NECTIN1: variants seen among roughly 807,000 people sequenced by gnomAD.
NECTIN1 encodes nectin cell adhesion molecule 1.
In NECTIN1, 23 loss-of-function variants were observed where a neutral mutation model predicts 48.0. That is an observed-to-expected ratio of 0.48 (90% CI 0.34 to 0.68). NECTIN1 has a LOEUF of 0.68. Ranked by LOEUF, NECTIN1 falls within the 30% of genes least tolerant of loss-of-function variation. The pLI, the probability that NECTIN1 is intolerant of heterozygous loss-of-function variation, is 0.01. For missense variants in NECTIN1, 591 were observed against 709.9 expected (o/e 0.83, Z 1.90); for synonymous variants, 270 against 288.9 (o/e 0.93, Z 0.66).
chr11:119,704,820 C>A (rs549267836), intron 1 of NECTIN1, among the ~76,000 whole-genome samples: 4 of 152,200 alleles, frequency 2.6e-5, no homozygotes, highest in African/African-American at 9.6e-5. Context: ...GCCATGACTG[C>A]GCACGCCAGG....
chr11:119,646,343 T>G (rs1864395915), intron 5 of NECTIN1, among the ~76,000 whole-genome samples: 1 of 152,182 alleles, frequency 6.6e-6, no homozygotes, highest in Admixed American at 6.5e-5. Flanking sequence ...GCGTGGCACA[T>G]AGTCAATATG....
intron 1 of NECTIN1, among the ~76,000 whole-genome samples, chr11:119,695,238 A>C (rs1865323291): frequency 6.6e-6 from 1 of 151,654 alleles, no homozygotes; most frequent in Admixed American, 6.6e-5. Context: ...GTAAATCTAA[A>C]CTACTTATCA....
At chr11:119,670,040 C>T (rs1864841645) in intron 5 of NECTIN1, among the ~76,000 whole-genome samples, 1 of 151,424 alleles carries the variant, frequency 6.6e-6, no homozygotes, top group Admixed American at 6.6e-5. Flanking sequence ...GCTCATGCAA[C>T]CTCCGCCTCC....
intron 5 of NECTIN1, among the ~76,000 whole-genome samples, chr11:119,646,283 C>G (rs574262465): frequency 6.5e-4 from 99 of 152,350 alleles, no homozygotes; most frequent in African/African-American, 2.3e-3. Context: ...CCTCCCTTGC[C>G]CGACTTCCAG....
intron 1 of NECTIN1, chr11:119,710,161 T>C (rs1017166092): frequency 2.0e-5 from 3 of 152,210 alleles, no homozygotes; most frequent in Admixed American, 2.0e-4. Flanking sequence ...ACAGAAGCGC[T>C]GAAACAGAGC....
chr11:119,696,551 T>A (rs1008198523), intron 1 of NECTIN1, among the ~76,000 whole-genome samples: 1 of 151,954 alleles, frequency 6.6e-6, no homozygotes, highest in African/African-American at 2.4e-5. Flanking sequence ...CAGAATCAGG[T>A]GCCCTGTCCT....
chr11:119,654,538 A>ATG lies in NECTIN1; in HGVS notation c.1004-14528_1004-14527dup, dbSNP rs542586745. ...CCCTCAGAATGGGAGGGAGATGGCA[A>ATG]TGTGTGTGTGCGTGTGTGTGTGTTT... On this transcript the variant is annotated intron_variant, in intron 5 of 7. Transcript: ENST00000341398. Among the ~76,000 whole-genome samples the ATG allele has an allele frequency of 2.6e-3, 192 of 74,120 alleles. 1 individual carries two copies. The highest frequency in any genetic ancestry group is 0.013 in the Middle Eastern group (2 of 150). 48.6% of individuals were successfully genotyped at this position (74,120 alleles called of 152,430 possible). A position where few individuals can be genotyped will look rare whatever the true frequency, so the allele number is the denominator to read the frequency against.
In NECTIN1 at chr11:119,705,600, G is replaced by A. The variant is rs576463286; in HGVS notation, c.79+22875C>T. ...GTAACTGTGGCCGGTGTAGCTAGAC[G>A]GAGGAGACTGATGCAGGGGCCAGGC... On this transcript the variant is annotated intron_variant, in intron 1 of 5. Coordinates refer to ENST00000264025, the MANE Select transcript of NECTIN1 (RefSeq NM_002855.5). Among the ~76,000 whole-genome samples, 70 of 152,346 alleles carry A rather than the reference G, an allele frequency of 4.6e-4. 1 individual carries two copies. Among genetic ancestry groups the A allele is most frequent in the African/African-American group, 1.6e-3 (67 of 41,580 alleles).
chr11:119,668,356 A>G (rs971198459), intron 5 of NECTIN1, among the ~76,000 whole-genome samples: 4 of 151,666 alleles, frequency 2.6e-5, no homozygotes, highest in Non-Finnish European at 4.4e-5. Flanking sequence ...GTTAATCTTC[A>G]CTCTGTAGAC....
At chr11:119,703,045 G>T (rs1865484102) in intron 1 of NECTIN1, among the ~76,000 whole-genome samples, 1 of 152,238 alleles carries the variant, frequency 6.6e-6, no homozygotes, top group Non-Finnish European at 1.5e-5. Flanking sequence ...CCACCAGCCT[G>T]TGAGCTCCAT....
Position 119,663,599 on chromosome 11 carries a change from GCTTCCTTCCC to G in NECTIN1, c.*1138_*1147del. The G allele has an allele frequency of 1.0e-6, 1 of 985,592 alleles. No individual in the cohort carries two copies. Among genetic ancestry groups the G allele is most frequent in the Non-Finnish European group, 1.2e-6 (1 of 829,960 alleles). 61.1% of individuals were successfully genotyped at this position (985,592 alleles called of 1,614,324 possible). A position where few individuals can be genotyped will look rare whatever the true frequency, so the allele number is the denominator to read the frequency against. The stretch of plus-strand genomic sequence containing the variant: ...TGTTTGCAGAGCTTCTGCCATGTGG[GCTTCCTTCCC>G]CACTACCCTCCGTGTGGATGCTTCT... On this transcript the variant is annotated 3_prime_UTR_variant, in exon 6 of 6. Coordinates refer to ENST00000264025, the MANE Select transcript of NECTIN1 (RefSeq NM_002855.5).
chr11:119,707,504 C>T (rs1405885110), intron 1 of NECTIN1, among the ~76,000 whole-genome samples: 1 of 152,012 alleles, frequency 6.6e-6, no homozygotes, highest in Admixed American at 6.6e-5. Context: ...ACAAGGCTGT[C>T]GAACAGGGTG....
chr11:119,696,808 C>T (rs1308513335), intron 1 of NECTIN1, among the ~76,000 whole-genome samples: 1 of 152,204 alleles, frequency 6.6e-6, no homozygotes, highest in Non-Finnish European at 1.5e-5. Context: ...GAAAGCAGGA[C>T]TGCAGGCGGC....
Position 119,675,382 on chromosome 11 carries a change from C to G in NECTIN1, c.852-72G>C, listed in dbSNP as rs1029380792. 4.4e-6 allele frequency: 7 copies of G among 1,579,406 alleles called. No homozygotes were observed. In the Admixed American group the frequency reaches 5.0e-5, roughly 11 times the overall value. On this transcript the variant is annotated intron_variant, in intron 4 of 5. Transcript: ENST00000264025. ...CAAGAAGCTGTTCCTGGGTCACCCA[C>G]TTGGCTCCAGGCCCCCTAGCCTTTT...
At position 119,678,283 on chromosome 11, in the gene NECTIN1, C is replaced by T. The variant is rs1328857978; in HGVS notation, c.430+132G>A. 1 of 871,780 alleles carries T rather than the reference C, an allele frequency of 1.1e-6. No individual in the cohort carries two copies. The highest frequency in any genetic ancestry group is 1.6e-5 in the African/African-American group (1 of 60,994). 54.0% of individuals were successfully genotyped at this position (871,780 alleles called of 1,614,324 possible). On this transcript the variant is annotated intron_variant, in intron 2 of 5. Transcript: ENST00000264025. The surrounding 1 kb of genome is among the most constrained non-coding windows in gnomAD (Gnocchi z 4.4). The stretch of plus-strand genomic sequence containing the variant: ...TGGCCTGGCTAGAAGGGACTGGAAG[C>T]CTCATGCCTAGAATGATGGCAGCAT...
intron 5 of NECTIN1, among the ~76,000 whole-genome samples, chr11:119,643,680 C>T (rs563195798): frequency 5.9e-5 from 9 of 152,322 alleles, no homozygotes; most frequent in Non-Finnish European, 1.3e-4. Flanking sequence ...CAGCCAGAAC[C>T]CTGGCATTGA....
intron 1 of NECTIN1, among the ~76,000 whole-genome samples, chr11:119,702,548 C>T (rs1279430876): frequency 6.6e-6 from 1 of 151,968 alleles, no homozygotes. Flanking sequence ...CACTTGCCCC[C>T]TTCTAGTCCT....
chr11:119,674,996 A>G (rs181807564), intron 5 of NECTIN1, among the ~76,000 whole-genome samples, 163 bp downstream of exon 5: 9 of 152,306 alleles, frequency 5.9e-5, no homozygotes, highest in Admixed American at 2.6e-4. Flanking sequence ...TTAATGAAAG[A>G]AAGAGAAAAG....
chr11:119,713,439 T>G (rs1320838855), intron 1 of NECTIN1, among the ~76,000 whole-genome samples: 1 of 152,072 alleles, frequency 6.6e-6, no homozygotes, highest in East Asian at 1.9e-4. Context: ...CCAGTTTGAC[T>G]CCTGGACTTG....
Sources: gnomAD v4.1 joint callset for allele counts (sites outside exome capture counted in the v4.1 genomes callset) on GRCh38, gnomAD v4.1.1 for gene constraint, Gnocchi (gnomAD v3.1) non-coding constraint, MANE v1.5 for transcripts, NCBI Gene and HGNC (gene_info 2026-07-23, HGNC 2026-07-21) for gene names.